The following GRIK3 variants were observed in gnomAD, a reference collection of about 807,000 sequenced individuals.
GRIK3 encodes the protein glutamate receptor ionotropic, kainate 3.
Under a neutral mutation model 102.5 loss-of-function variants are expected in GRIK3, and 29 were observed. The observed-to-expected ratio is 0.28, with a 90% CI of 0.21 to 0.39. GRIK3 has a LOEUF of 0.39. Among genes scored for constraint, GRIK3 ranks in the 10% least tolerant of loss-of-function variants. GRIK3 has a pLI of 1.00. For synonymous variants in GRIK3, 511 were observed against 504.9 expected (o/e 1.01, Z -0.16); for missense variants, 908 against 1,252.4 (o/e 0.73, Z 4.15).
At chr1:36,898,078 T>C (rs193058336) in intron 1 of GRIK3, among the ~76,000 whole-genome samples, 119 of 151,656 alleles carry the variant, frequency 7.8e-4, no homozygotes, top group African/African-American at 2.8e-3. Context: ...ACCAAAACAA[T>C]TGAAATCATG....
intron 1 of GRIK3, among the ~76,000 whole-genome samples, chr1:36,969,157 C>T (rs1429385267): frequency 2.0e-5 from 3 of 152,184 alleles, no homozygotes; most frequent in Admixed American, 6.5e-5. Context: ...GGTTACCATG[C>T]CAAGAGTGTC....
At chr1:36,913,456 AT>A (rs1641368267) in intron 1 of GRIK3, among the ~76,000 whole-genome samples, 1 of 152,182 alleles carries the variant, frequency 6.6e-6, no homozygotes, top group African/African-American at 2.4e-5. Context: ...GTAAATATCA[AT>A]TGCTATGCAG....
intron 1 of GRIK3, among the ~76,000 whole-genome samples, chr1:36,935,888 G>A (rs781397837): frequency 2.0e-5 from 3 of 152,164 alleles, no homozygotes; most frequent in African/African-American, 7.2e-5. Context: ...TTGATGGTGC[G>A]CTTGAAGACT....
chr1:37,024,880 G>GA (rs774174446), intron 1 of GRIK3, among the ~76,000 whole-genome samples: 5 of 151,982 alleles, frequency 3.3e-5, no homozygotes, highest in Non-Finnish European at 5.9e-5. Flanking sequence ...TAAATGCATT[G>GA]AGAGCTTCGT....
chr1:36,911,555 A>C (rs529560113), intron 1 of GRIK3, among the ~76,000 whole-genome samples: 12 of 152,126 alleles, frequency 7.9e-5, no homozygotes, highest in Non-Finnish European at 1.5e-4. Context: ...GAGGATGTGC[A>C]CTTCCCTGGG....
chr1:36,835,333 C>A (rs1386686848), intron 10 of GRIK3, among the ~76,000 whole-genome samples: 2 of 152,212 alleles, frequency 1.3e-5, no homozygotes, highest in Non-Finnish European at 2.9e-5. Context: ...CCATGGCCAC[C>A]AAGCCAAACC....
At chr1:36,851,471 A>G (rs1640584040) in intron 8 of GRIK3, among the ~76,000 whole-genome samples, 1 of 152,250 alleles carries the variant, frequency 6.6e-6, no homozygotes. Context: ...TCTTCTCTTA[A>G]GTGGGCTGAG....
chr1:36,855,405 A>G (rs931942791), intron 7 of GRIK3, among the ~76,000 whole-genome samples: 32 of 152,182 alleles, frequency 2.1e-4, no homozygotes, highest in African/African-American at 7.2e-4. Flanking sequence ...ACAAATCCCA[A>G]ATGAAAACCC....
At position 37,005,442 on chromosome 1, in the gene GRIK3, G is replaced by C. The variant is rs531244093; in HGVS notation, c.115+28552C>G. 9.8e-5 allele frequency among the ~76,000 whole-genome samples: 15 copies of C among 152,332 alleles called. No homozygotes were observed. In the East Asian group the frequency reaches 2.9e-3, roughly 29 times the overall value. On this transcript the variant is annotated intron_variant, in intron 1 of 15. Coordinates refer to ENST00000373091, the MANE Select transcript of GRIK3 (RefSeq NM_000831.4). ...GCATGCTTATGTCCTAGATCTCAAG[G>C]GGTGTGTAGCCAAGTCCAAAAGCAG...
Position 36,880,697 on chromosome 1 carries a change from T to G in GRIK3, c.487A>C (p.Ile163Leu). 6.2e-7 allele frequency: 1 copy of G among 1,614,064 alleles called. No homozygotes were observed. Among genetic ancestry groups the G allele is most frequent in the Non-Finnish European group, 8.5e-7 (1 of 1,179,952 alleles). The change falls in exon 3 of 16, where the codon ATC becomes CTC. Residue 163 changes from isoleucine (I) to leucine (L), a missense_variant. This residue lies in a region of GRIK3 where 585 missense variants were observed against 824.9 expected (regional missense o/e 0.71). Coordinates refer to ENST00000373091, the MANE Select transcript of GRIK3 (RefSeq NM_000831.4). The surrounding 1 kb of genome is among the most constrained non-coding windows in gnomAD (Gnocchi z 5.4). ...YPDYASLSHAILDLVQYLKWR... is the reference protein window; with the variant it reads ...YPDYASLSHALLDLVQYLKWR... Reference sequence around the variant, plus strand: ...TTGAGGTACTGGACCAGGTCGAGGATGGCATGGCTGAGCGAGGCGTAGTCG... The same window carrying G: ...TTGAGGTACTGGACCAGGTCGAGGAGGGCATGGCTGAGCGAGGCGTAGTCG...
Position 36,872,074 on chromosome 1 carries a change from G to C in GRIK3, c.732+114C>G. On this transcript the variant is annotated intron_variant, in intron 4 of 15. Transcript: ENST00000373091. This position sits in a 1 kb window ranked among gnomAD's most constrained non-coding sequence, Gnocchi z 5.9. ...AAGGTCACACAGCAGGAAAGTGGCAGAGCTAGGAGTCAAACTTAGATCTGG... is the reference window on the plus strand; with the variant it reads ...AAGGTCACACAGCAGGAAAGTGGCACAGCTAGGAGTCAAACTTAGATCTGG... 1 of 1,000,774 alleles carries C rather than the reference G, an allele frequency of 1.0e-6. No homozygotes were observed. The highest frequency in any genetic ancestry group is 1.4e-6 in the Non-Finnish European group (1 of 696,364). The allele number at this position is 1,000,774 out of a possible 1,614,324, so 62.0% of individuals were successfully genotyped here. A position where few individuals can be genotyped will look rare whatever the true frequency, so the allele number is the denominator to read the frequency against.
chr1:36,924,788 G>A (rs369030104), intron 1 of GRIK3, among the ~76,000 whole-genome samples: 10 of 152,020 alleles, frequency 6.6e-5, no homozygotes, highest in African/African-American at 2.4e-4. Context: ...TTTAGCAAAC[G>A]CCTGGCTCTT....
rs372443679 is a variant in GRIK3 at position 36,855,463 on chromosome 1, A to C, written c.1105-1741T>G. ...GCAGCTCCAAGGTACTTTTACAGGTAAATGGGTAGTTGGGTAAATGTGCAT... is the reference window on the plus strand; with the variant it reads ...GCAGCTCCAAGGTACTTTTACAGGTCAATGGGTAGTTGGGTAAATGTGCAT... On this transcript the variant is annotated intron_variant, in intron 7 of 15. Coordinates refer to ENST00000373091, the MANE Select transcript of GRIK3 (RefSeq NM_000831.4). Among the ~76,000 whole-genome samples, 440 of 152,356 alleles carry C rather than the reference A, an allele frequency of 2.9e-3. 1 individual carries two copies. Among genetic ancestry groups the C allele is most frequent in the African/African-American group, 0.01 (422 of 41,590 alleles).
intron 9 of GRIK3, among the ~76,000 whole-genome samples, chr1:36,849,105 G>A (rs1640551753): frequency 1.3e-5 from 2 of 152,180 alleles, no homozygotes; most frequent in Admixed American, 1.3e-4. Context: ...TCTGGATGCC[G>A]ACAGGATGCC....
chr1:36,971,919 C>T (rs1361533405), intron 1 of GRIK3, among the ~76,000 whole-genome samples: 1 of 152,200 alleles, frequency 6.6e-6, no homozygotes, highest in Non-Finnish European at 1.5e-5. Flanking sequence ...AACAGGGAAA[C>T]TTCTCCAGCT....
At chr1:36,956,552 C>A (rs866782041) in intron 1 of GRIK3, among the ~76,000 whole-genome samples, 4 of 152,256 alleles carry the variant, frequency 2.6e-5, no homozygotes, top group Middle Eastern at 3.4e-3. Flanking sequence ...ATGTCCACCC[C>A]ACACCACTCT....
chr1:36,875,991 G>C (rs536207304), intron 3 of GRIK3, among the ~76,000 whole-genome samples: 1 of 152,186 alleles, frequency 6.6e-6, no homozygotes, highest in Admixed American at 6.5e-5. Context: ...TAGAATAATA[G>C]GTATGGACCC....
At chr1:36,964,948 G>T (rs928442828) in intron 1 of GRIK3, among the ~76,000 whole-genome samples, 1 of 152,168 alleles carries the variant, frequency 6.6e-6, no homozygotes, top group South Asian at 2.1e-4. Context: ...GTTTTGAAAC[G>T]CTGTTAATTC....
intron 1 of GRIK3, among the ~76,000 whole-genome samples, chr1:37,032,150 C>T (rs776724060): frequency 6.6e-5 from 10 of 152,206 alleles, no homozygotes; most frequent in Non-Finnish European, 1.2e-4. Flanking sequence ...CTTGGGGATG[C>T]TCTTCCTAAG....
Sources: allele counts gnomAD v4.1 joint callset (sites outside exome capture counted in the v4.1 genomes callset), GRCh38; gene constraint gnomAD v4.1.1; regional missense constraint gnomAD v4.1.1; non-coding constraint Gnocchi (gnomAD v3.1); transcripts MANE v1.5; gene names NCBI Gene and HGNC (gene_info 2026-07-23, HGNC 2026-07-21).